DGKB: variants seen among roughly 807,000 people sequenced by gnomAD.
The protein encoded by DGKB is 90 kDa diacylglycerol kinase.
Under a neutral mutation model 114.3 loss-of-function variants are expected in DGKB, and 67 were observed. That is an observed-to-expected ratio of 0.59 (90% CI 0.48 to 0.72). The LOEUF is 0.72. Among genes scored for constraint, DGKB ranks in the 30% least tolerant of loss-of-function variants. The pLI is 0.00. For synonymous variants in DGKB, 398 were observed against 323.1 expected (o/e 1.23, Z -2.49); for missense variants, 907 against 975.2 (o/e 0.93, Z 0.93).
At chr7:14,251,715 C>G (rs1405397591) in intron 23 of DGKB, among the ~76,000 whole-genome samples, 2 of 152,022 alleles carry the variant, frequency 1.3e-5, no homozygotes, top group African/African-American at 4.8e-5. Flanking sequence ...TTTCGTTTGT[C>G]TGGGGAAGTA....
intron 20 of DGKB, among the ~76,000 whole-genome samples, chr7:14,558,080 T>C (rs1049782584): frequency 1.3e-5 from 2 of 150,804 alleles, no homozygotes; most frequent in Non-Finnish European, 3.0e-5. Context: ...CATTTTTATC[T>C]GTCTCTTTAT....
intron 20 of DGKB, among the ~76,000 whole-genome samples, chr7:14,554,318 T>C (rs1795563287): frequency 6.6e-6 from 1 of 152,240 alleles, no homozygotes; most frequent in Non-Finnish European, 1.5e-5. Context: ...TTCTGTATTG[T>C]CTTCCTTCAC....
At chr7:14,231,194 T>A (rs947765654) in intron 23 of DGKB, among the ~76,000 whole-genome samples, 1 of 151,120 alleles carries the variant, frequency 6.6e-6, no homozygotes, top group African/African-American at 2.4e-5. Flanking sequence ...CAGACTGGAG[T>A]AAAATCATAG....
intron 23 of DGKB, among the ~76,000 whole-genome samples, chr7:14,334,636 A>G (rs1378956093): frequency 6.6e-6 from 1 of 152,100 alleles, no homozygotes; most frequent in African/African-American, 2.4e-5. Flanking sequence ...TGCAGTTATA[A>G]CTCAATGGAA....
At chr7:14,883,777 C>A (rs1353713514) in intron 1 of DGKB, among the ~76,000 whole-genome samples, 4 of 151,938 alleles carry the variant, frequency 2.6e-5, no homozygotes, top group East Asian at 3.9e-4. Context: ...TAATTATGTG[C>A]CACATTTAAC....
intron 1 of DGKB, among the ~76,000 whole-genome samples, chr7:14,934,090 C>A (rs1278223213): frequency 6.6e-6 from 1 of 152,214 alleles, no homozygotes; most frequent in Admixed American, 6.6e-5. Flanking sequence ...AAGATCAATT[C>A]CCTCAGGAAA....
chr7:14,490,069 A>G (rs1245107661), intron 20 of DGKB, among the ~76,000 whole-genome samples: 1 of 152,180 alleles, frequency 6.6e-6, no homozygotes, highest in Non-Finnish European at 1.5e-5. Context: ...AACAGAGTGC[A>G]AAGTACAATT....
intron 21 of DGKB, among the ~76,000 whole-genome samples, chr7:14,362,370 C>A (rs1176357113): frequency 6.6e-6 from 1 of 152,116 alleles, no homozygotes; most frequent in Admixed American, 6.6e-5. Flanking sequence ...ATGACAACTT[C>A]CCAATGAACA....
chr7:14,301,851 A>G (rs1243127479), intron 23 of DGKB, among the ~76,000 whole-genome samples: 2 of 152,134 alleles, frequency 1.3e-5, no homozygotes, highest in East Asian at 3.9e-4. Context: ...TCAAGTGTAC[A>G]GTGCTTTTGT....
intron 21 of DGKB, among the ~76,000 whole-genome samples, chr7:14,449,782 A>G (rs1490713257): frequency 6.6e-6 from 1 of 152,094 alleles, no homozygotes; most frequent in Non-Finnish European, 1.5e-5. Flanking sequence ...GCCATGACAG[A>G]TTAAAGAAAT....
At chr7:14,179,588 T>G (rs4719393) in intron 23 of DGKB, among the ~76,000 whole-genome samples, 68,098 of 151,964 alleles carry the variant, frequency 0.45, 17,719 homozygotes, top group African/African-American at 0.72. Context: ...CATTTTAGCA[T>G]AGAGTTTAGA....
chr7:14,384,128 G>A (rs1353914392), intron 21 of DGKB, among the ~76,000 whole-genome samples: 1 of 152,124 alleles, frequency 6.6e-6, no homozygotes, highest in South Asian at 2.1e-4. Context: ...TTGAGAAACA[G>A]TCCAAGCTAA....
At chr7:14,773,903 G>C (rs369098824) in intron 2 of DGKB, among the ~76,000 whole-genome samples, 1 of 147,966 alleles carries the variant, frequency 6.8e-6, no homozygotes, top group East Asian at 1.9e-4. Flanking sequence ...TAAGTGTTTT[G>C]TAGTCTCTCG....
intron 13 of DGKB, among the ~76,000 whole-genome samples, chr7:14,632,742 T>C (rs1809977234): frequency 1.3e-5 from 2 of 151,322 alleles, no homozygotes. Context: ...TTAAGATGAG[T>C]AAATAGAGGT....
At chr7:14,838,508 G>A (rs1847462103) in intron 2 of DGKB, among the ~76,000 whole-genome samples, 1 of 151,824 alleles carries the variant, frequency 6.6e-6, no homozygotes, top group Non-Finnish European at 1.5e-5. Flanking sequence ...TAAAACTGGA[G>A]GAAAATTTCA....
chr7:14,940,247 C>T (rs1467170539), intron 1 of DGKB, among the ~76,000 whole-genome samples: 1 of 151,736 alleles, frequency 6.6e-6, no homozygotes, highest in Non-Finnish European at 1.5e-5. Flanking sequence ...CACAAGAACA[C>T]AAATAGGGCA....
At chr7:14,746,624 G>A (rs929295469) in intron 4 of DGKB, among the ~76,000 whole-genome samples, 8 of 151,944 alleles carry the variant, frequency 5.3e-5, no homozygotes, top group South Asian at 4.2e-4. Flanking sequence ...TCAGCCTCCC[G>A]AATAGTTGGG....
intron 21 of DGKB, among the ~76,000 whole-genome samples, chr7:14,420,324 C>G (rs1826460890): frequency 6.6e-6 from 1 of 151,656 alleles, no homozygotes; most frequent in South Asian, 2.1e-4. Flanking sequence ...TTGTGAAGTT[C>G]TCTTGTCTCA....
intron 23 of DGKB, among the ~76,000 whole-genome samples, chr7:14,180,865 G>A (rs563623104): frequency 1.1e-4 from 16 of 152,216 alleles, no homozygotes; most frequent in Non-Finnish European, 1.6e-4. Flanking sequence ...TTCTAGCTAA[G>A]AGTTATTTTA....
Sources: allele counts gnomAD v4.1 joint callset (sites outside exome capture counted in the v4.1 genomes callset), GRCh38; gene constraint gnomAD v4.1.1; transcripts MANE v1.5; gene names NCBI Gene and HGNC (gene_info 2026-07-23, HGNC 2026-07-21).